AFF3: variants seen among roughly 807,000 people sequenced by gnomAD.
The protein encoded by AFF3 is AF4/FMR2 family member 3.
AFF3 carries 32 observed loss-of-function variants against 129.7 expected under a neutral mutation model. The observed-to-expected ratio is 0.25, with a 90% CI of 0.19 to 0.33. The LOEUF (loss-of-function observed/expected upper bound fraction) is 0.33, where lower values mean the gene tolerates loss of function less well. Among genes scored for constraint, AFF3 ranks in the 10% least tolerant of loss-of-function variants. AFF3 has a pLI of 1.00. For synonymous variants in AFF3, 644 were observed against 635.4 expected (o/e 1.01, Z -0.20); for missense variants, 1,373 against 1,592.0 (o/e 0.86, Z 2.34).
Position 99,594,012 on chromosome 2 carries a change from G to A in AFF3, c.1649C>T (p.Pro550Leu), listed in dbSNP as rs1187220051. ...PGSKGVKQKSPPAAVAVAVSA... is the reference protein window; with the variant it reads ...PGSKGVKQKSLPAAVAVAVSA... ...CACCGCCACGGCCACGGCCGCGGGC[G>A]GGGACTTCTGCTTCACGCCTTTACT... The change falls in exon 15 of 25, where the codon CCG becomes CTG. Residue 550 changes from proline (P) to leucine (L), a missense_variant. Coordinates refer to ENST00000672756, the MANE Select transcript of AFF3 (RefSeq NM_001386135.1). The A allele has an allele frequency of 2.5e-6, 4 of 1,574,398 alleles. No individual in the cohort carries two copies. The highest frequency in any genetic ancestry group is 2.3e-5 in the South Asian group (2 of 85,770).
chr2:99,705,053 T>C (rs1240965229), intron 11 of AFF3, among the ~76,000 whole-genome samples: 2 of 151,980 alleles, frequency 1.3e-5, no homozygotes, highest in African/African-American at 4.8e-5. Context: ...CAAGAGGATA[T>C]AGTAGGATGG....
intron 7 of AFF3, among the ~76,000 whole-genome samples, chr2:99,883,383 C>T (rs574140043): frequency 2.0e-5 from 3 of 152,226 alleles, no homozygotes; most frequent in African/African-American, 7.2e-5. Flanking sequence ...AAAATTCTTG[C>T]GAATAAGCCC....
intron 11 of AFF3, among the ~76,000 whole-genome samples, chr2:99,723,885 T>C (rs1404975015): frequency 6.6e-6 from 1 of 151,952 alleles, no homozygotes; most frequent in African/African-American, 2.4e-5. Context: ...GAGATAGACA[T>C]GCACAGAGAG....
chr2:99,937,134 G>A (rs535410999), intron 7 of AFF3, among the ~76,000 whole-genome samples: 5 of 152,214 alleles, frequency 3.3e-5, no homozygotes, highest in South Asian at 4.2e-4. Flanking sequence ...ATAGAATACC[G>A]GTTGAGCATC....
chr2:99,669,293 C>T (rs1004922498), intron 12 of AFF3, among the ~76,000 whole-genome samples: 3 of 152,130 alleles, frequency 2.0e-5, no homozygotes, highest in Non-Finnish European at 2.9e-5. Flanking sequence ...TTCTACTCCC[C>T]GACCCCTGCC....
At chr2:99,796,361 T>G (rs370547454) in intron 8 of AFF3, among the ~76,000 whole-genome samples, 1 of 152,214 alleles carries the variant, frequency 6.6e-6, no homozygotes, top group East Asian at 1.9e-4. Flanking sequence ...GTGTCATAAA[T>G]TTGTTTTGCT....
rs1395313794 is a variant in AFF3, at chr2:100,078,830, C to T, written c.53+25572G>A. Among the ~76,000 whole-genome samples, 10 of 152,112 alleles carry T rather than the reference C, an allele frequency of 6.6e-5. No homozygotes were observed. The South Asian group carries it at 1.7e-3, about 25-fold the overall frequency. On this transcript the variant is annotated intron_variant, in intron 4 of 24. Transcript: ENST00000672756. The stretch of plus-strand genomic sequence containing the variant: ...CATGCTCCCATATACCTGAAAGCAT[C>T]GCTATAGATTACTTATAATACTTAA...
At chr2:99,961,331 A>C (rs1297134078) in intron 7 of AFF3, among the ~76,000 whole-genome samples, 2 of 152,162 alleles carry the variant, frequency 1.3e-5, no homozygotes, top group Non-Finnish European at 2.9e-5. Context: ...ACTGCTGAAA[A>C]ACTGTGGTTA....
chr2:100,001,724 G>T (rs192231791), intron 7 of AFF3, among the ~76,000 whole-genome samples: 1 of 152,324 alleles, frequency 6.6e-6, no homozygotes, highest in African/African-American at 2.4e-5. Flanking sequence ...ACTGCGCCCA[G>T]CCCAAGTGCT....
At chr2:100,024,432 GT>G (rs1559067211) in intron 4 of AFF3, among the ~76,000 whole-genome samples, 1 of 147,740 alleles carries the variant, frequency 6.8e-6, no homozygotes, top group African/African-American at 2.5e-5. Context: ...GAGAAACCCC[GT>G]CTCTACTAAC....
At chr2:99,553,578 T>C (rs1674606705) in intron 24 of AFF3, among the ~76,000 whole-genome samples, 1 of 152,122 alleles carries the variant, frequency 6.6e-6, no homozygotes, top group African/African-American at 2.4e-5. Context: ...TCTGTATCTG[T>C]TGACCCCCAA....
intron 7 of AFF3, among the ~76,000 whole-genome samples, chr2:99,878,809 T>G (rs987324709): frequency 3.9e-5 from 6 of 152,214 alleles, no homozygotes; most frequent in African/African-American, 1.4e-4. Context: ...GGTTTAGACT[T>G]TCTGTTTTAG....
intron 8 of AFF3, among the ~76,000 whole-genome samples, chr2:99,798,269 C>G (rs984810825): frequency 6.6e-6 from 1 of 151,618 alleles, no homozygotes; most frequent in Non-Finnish European, 1.5e-5. Context: ...AATAAGACAA[C>G]AAATGAGATT....
chr2:99,698,197 C>T (rs1204350376), intron 11 of AFF3, among the ~76,000 whole-genome samples: 1 of 152,218 alleles, frequency 6.6e-6, no homozygotes, highest in Non-Finnish European at 1.5e-5. Flanking sequence ...ATCTCTCACA[C>T]TTGCTTTTGG....
At chr2:99,983,573 G>A (rs934271639) in intron 7 of AFF3, among the ~76,000 whole-genome samples, 2 of 152,168 alleles carry the variant, frequency 1.3e-5, no homozygotes, top group African/African-American at 4.8e-5. Flanking sequence ...CCATCTGAGG[G>A]GAGAACCTCA....
intron 4 of AFF3, among the ~76,000 whole-genome samples, chr2:100,052,848 C>T (rs903784000): frequency 6.6e-6 from 1 of 152,218 alleles, no homozygotes; most frequent in African/African-American, 2.4e-5. Flanking sequence ...CAGCCGCCTT[C>T]CCCAGTACGA....
chr2:99,963,413 C>T (rs1484272893), intron 7 of AFF3, among the ~76,000 whole-genome samples: 3 of 151,944 alleles, frequency 2.0e-5, no homozygotes, highest in Admixed American at 6.5e-5. Flanking sequence ...ATGTGGTACA[C>T]AATGTATATA....
chr2:100,088,320 C>T (rs1313655750), intron 4 of AFF3, among the ~76,000 whole-genome samples: 2 of 152,020 alleles, frequency 1.3e-5, no homozygotes, highest in Non-Finnish European at 2.9e-5. Context: ...ATACACTCAG[C>T]GAGGTCACAG....
rs1329663495 is a variant in AFF3, at chr2:99,551,562, G to A, written c.3593C>T (p.Pro1198Leu). The stretch of plus-strand genomic sequence containing the variant: ...CTCCATGCTGCTGTGCAGGGTGACC[G>A]GCCCCATGAGCAGATCCAGGTCGTT... ...FFNDLDLLMGPVTLHSSMEHL... is the reference protein window; with the variant it reads ...FFNDLDLLMGLVTLHSSMEHL... The change falls in exon 25 of 25, where the codon CCG becomes CTG. Residue 1198 changes from proline to leucine, a missense_variant. This residue lies in a region of AFF3 where 165 missense variants were observed against 234.0 expected (regional missense o/e 0.71). Transcript: ENST00000672756. 1 of 1,614,142 alleles carries A rather than the reference G, an allele frequency of 6.2e-7. No individual in the cohort carries two copies.
Sources: gnomAD v4.1 joint callset for allele counts (sites outside exome capture counted in the v4.1 genomes callset) on GRCh38, gnomAD v4.1.1 for gene constraint, gnomAD v4.1.1 regional missense constraint, MANE v1.5 for transcripts, NCBI Gene and HGNC (gene_info 2026-07-23, HGNC 2026-07-21) for gene names.